The following GULP1 variants were observed in gnomAD, a reference collection of about 807,000 sequenced individuals.
GULP1 encodes the protein GULP PTB domain containing engulfment adaptor 1.
In GULP1, 19 loss-of-function variants were observed where a neutral mutation model predicts 40.9. The observed-to-expected ratio is 0.46, with a 90% CI of 0.32 to 0.68. The LOEUF (loss-of-function observed/expected upper bound fraction) is 0.68. Among genes scored for constraint, GULP1 ranks in the 30% least tolerant of loss-of-function variants. The pLI is 0.03. For synonymous variants in GULP1, 119 were observed against 117.6 expected (o/e 1.01, Z -0.08); for missense variants, 312 against 362.2 (o/e 0.86, Z 1.12).
chr2:188,588,473 TCTTC>T (rs1702864769), intron 11 of GULP1: 1 of 157,212 alleles, frequency 6.4e-6, no homozygotes, highest in Non-Finnish European at 1.4e-5. Context: ...CATTTCTCTC[TCTTC>T]CTTTTACTTT....
At chr2:188,375,600 G>A (rs375373634) in intron 1 of GULP1, among the ~76,000 whole-genome samples, 2 of 152,264 alleles carry the variant, frequency 1.3e-5, no homozygotes, top group South Asian at 4.1e-4. Flanking sequence ...ATACTGAAAT[G>A]TATTTACATA....
chr2:188,411,865 G>A (rs1346639996), intron 2 of GULP1, among the ~76,000 whole-genome samples: 4 of 152,178 alleles, frequency 2.6e-5, no homozygotes, highest in Non-Finnish European at 4.4e-5. Context: ...CTTCAGGTAT[G>A]TCCTAGAAAG....
intron 4 of GULP1, among the ~76,000 whole-genome samples, chr2:188,518,904 G>A (rs1312510863): frequency 6.6e-6 from 1 of 151,934 alleles, no homozygotes; most frequent in African/African-American, 2.4e-5. Context: ...AGAAATTAGG[G>A]GACTTTCCTA....
intron 1 of GULP1, among the ~76,000 whole-genome samples, chr2:188,300,588 C>A (rs750095668): frequency 2.2e-4 from 33 of 152,066 alleles, no homozygotes; most frequent in Non-Finnish European, 4.0e-4. Context: ...ACATATATAA[C>A]ATAATTTAGT....
chr2:188,317,338 T>C (rs2039251899), intron 1 of GULP1, among the ~76,000 whole-genome samples: 1 of 152,140 alleles, frequency 6.6e-6, no homozygotes, highest in Non-Finnish European at 1.5e-5. Flanking sequence ...AGGAAACATA[T>C]TTTTACAAGA....
At chr2:188,314,564 G>A (rs550072962) in intron 1 of GULP1, among the ~76,000 whole-genome samples, 19 of 152,114 alleles carry the variant, frequency 1.2e-4, no homozygotes, top group South Asian at 1.2e-3. Flanking sequence ...TGCTTTTACC[G>A]ACTACAATTT....
intron 8 of GULP1, chr2:188,569,582 A>T: frequency 2.2e-6 from 1 of 456,780 alleles, no homozygotes; most frequent in East Asian, 4.4e-5. Context: ...TTCTCATGTG[A>T]CTTTGCTTCA....
At chr2:188,318,923 T>G (rs933061732) in intron 1 of GULP1, among the ~76,000 whole-genome samples, 1 of 152,178 alleles carries the variant, frequency 6.6e-6, no homozygotes, top group Non-Finnish European at 1.5e-5. Flanking sequence ...TTGATTTCTT[T>G]CCTGGACAGA....
At chr2:188,493,432 A>G (rs1394154432) in intron 4 of GULP1, among the ~76,000 whole-genome samples, 2 of 151,866 alleles carry the variant, frequency 1.3e-5, no homozygotes, top group African/African-American at 4.8e-5. Context: ...GTCCTGTTCC[A>G]TTGTTCCTCT....
intron 4 of GULP1, among the ~76,000 whole-genome samples, chr2:188,515,285 C>T (rs796393014): frequency 1.3e-5 from 2 of 152,260 alleles, no homozygotes; most frequent in African/African-American, 4.8e-5. Flanking sequence ...TCTTATTCCC[C>T]TTTGCAGCAT....
chr2:188,491,172 A>T, intron 4 of GULP1, among the ~76,000 whole-genome samples: 1 of 152,142 alleles, frequency 6.6e-6, no homozygotes, highest in Non-Finnish European at 1.5e-5. Context: ...TGGTCTCAAA[A>T]GGGTCAAGCA....
At chr2:188,510,105 G>A (rs552456215) in intron 4 of GULP1, among the ~76,000 whole-genome samples, 2 of 152,190 alleles carry the variant, frequency 1.3e-5, no homozygotes, top group South Asian at 4.2e-4. Context: ...GGGAAAATAA[G>A]AGATAAATTT....
chr2:188,344,851 C>T (rs2043418037), intron 1 of GULP1, among the ~76,000 whole-genome samples: 1 of 152,098 alleles, frequency 6.6e-6, no homozygotes, highest in South Asian at 2.1e-4. Context: ...CATATACACA[C>T]ATATATGTAC....
chr2:188,524,605 T>TA (rs72392065), intron 5 of GULP1, among the ~76,000 whole-genome samples: 4,219 of 91,828 alleles, frequency 0.046, 121 homozygotes, highest in African/African-American at 0.081. Context: ...TATATATATA[T>TA]TTTTTTTTTG....
chr2:188,299,907 T>C (rs551630097), intron 1 of GULP1, among the ~76,000 whole-genome samples: 5 of 152,204 alleles, frequency 3.3e-5, no homozygotes, highest in Admixed American at 6.5e-5. Flanking sequence ...CATGAAGCCA[T>C]GAATGTGGTT....
intron 11 of GULP1, chr2:188,592,409 T>A (rs981261535): frequency 4.0e-5 from 6 of 151,856 alleles, no homozygotes; most frequent in Non-Finnish European, 7.4e-5. Flanking sequence ...GTATTTTAGT[T>A]TAAAGTATTT....
In GULP1 at chr2:188,338,534, G is replaced by A. The variant is rs139294864; in HGVS notation, c.-171-45229G>A. 9.1e-3 allele frequency among the ~76,000 whole-genome samples: 1,391 copies of A among 152,076 alleles called. 12 individuals are homozygous for A. Among genetic ancestry groups the A allele is most frequent in the Non-Finnish European group, 0.011 (728 of 67,960 alleles). ...TGCCAGGGCTGGTCTTGAACTCCTAGGCTCAAGCAACCCTCCCACCTCGGC... is the reference window on the plus strand; with the variant it reads ...TGCCAGGGCTGGTCTTGAACTCCTAAGCTCAAGCAACCCTCCCACCTCGGC... On this transcript the variant is annotated intron_variant, in intron 1 of 11. Coordinates refer to ENST00000409830, the MANE Select transcript of GULP1 (RefSeq NM_016315.4).
intron 2 of GULP1, among the ~76,000 whole-genome samples, chr2:188,425,669 A>G (rs774219236): frequency 2.2e-4 from 33 of 152,158 alleles, no homozygotes; most frequent in Admixed American, 3.3e-4. Flanking sequence ...TTAGAGTATC[A>G]CTTTCATCCC....
intron 4 of GULP1, among the ~76,000 whole-genome samples, chr2:188,503,478 T>G (rs1291336138): frequency 3.3e-5 from 5 of 151,822 alleles, no homozygotes; most frequent in African/African-American, 1.2e-4. Flanking sequence ...TCACTCACTA[T>G]CATGAAAACA....
Sources: allele counts gnomAD v4.1 joint callset (sites outside exome capture counted in the v4.1 genomes callset), GRCh38; gene constraint gnomAD v4.1.1; transcripts MANE v1.5; gene names NCBI Gene and HGNC (gene_info 2026-07-23, HGNC 2026-07-21).